PRKCA: variants seen among roughly 807,000 people sequenced by gnomAD.
PRKCA encodes the protein protein kinase C alpha type.
Under a neutral mutation model 87.0 loss-of-function variants are expected in PRKCA, and 27 were observed. That is an observed-to-expected ratio of 0.31 (90% CI 0.23 to 0.43). The LOEUF (loss-of-function observed/expected upper bound fraction) is 0.43. PRKCA is among the 20% of genes least tolerant of loss of function. PRKCA has a pLI of 1.00. For missense variants in PRKCA, 518 were observed against 852.3 expected, an observed-to-expected ratio of 0.61 and a Z score of 4.88; for synonymous variants, 329 against 311.1, an observed-to-expected ratio of 1.06 and a Z score of -0.61.
In PRKCA at chr17:66,687,275, G is replaced by A. The variant is rs1363174723; in HGVS notation, c.686+8G>A. 1.9e-6 allele frequency: 3 copies of A among 1,611,538 alleles called. No homozygotes were observed. In the South Asian group the frequency reaches 3.3e-5, roughly 18 times the overall value. ...GAATGAGTCCTTTACATTGTAAGTG[G>A]TCTCTCCTTGATCAAATTTCATTCC... is the stretch of plus-strand genomic sequence containing the variant. On this transcript the variant is annotated splice_region_variant and intron_variant, in intron 6 of 16. Transcript: ENST00000413366.
chr17:66,428,498 TTTTC>T (rs1241400897), intron 2 of PRKCA, among the ~76,000 whole-genome samples: 76 of 151,816 alleles, frequency 5.0e-4, no homozygotes, highest in Middle Eastern at 3.4e-3. Context: ...GCTGAAAAAT[TTTTC>T]TTTCTTTTTT....
chr17:66,773,533 T>A (rs1403562871), intron 13 of PRKCA, among the ~76,000 whole-genome samples: 2 of 150,720 alleles, frequency 1.3e-5, no homozygotes, highest in Non-Finnish European at 1.5e-5. Context: ...AAATTTTTTT[T>A]AATAGAGACA....
At chr17:66,688,908 G>T (rs763230572) in intron 7 of PRKCA, 43 bp from the exon 8 acceptor site, 3 of 1,319,898 alleles carry the variant, frequency 2.3e-6, no homozygotes, top group South Asian at 1.2e-5. Flanking sequence ...GGAAAGGCTT[G>T]TTAAACTTGC....
intron 3 of PRKCA, among the ~76,000 whole-genome samples, chr17:66,498,685 G>A (rs1009730344): frequency 6.6e-5 from 10 of 152,192 alleles, no homozygotes; most frequent in Admixed American, 6.5e-5. Flanking sequence ...GTTTCTCTAA[G>A]GGACATACTG....
chr17:66,495,387 A>C (rs990613573), intron 2 of PRKCA, among the ~76,000 whole-genome samples: 2 of 152,156 alleles, frequency 1.3e-5, no homozygotes, highest in Non-Finnish European at 2.9e-5. Context: ...TTGCTGAGGA[A>C]GTCCTGCAAC....
At chr17:66,507,789 T>A (rs1917043699) in intron 3 of PRKCA, among the ~76,000 whole-genome samples, 1 of 152,206 alleles carries the variant, frequency 6.6e-6, no homozygotes, top group Non-Finnish European at 1.5e-5. Context: ...TGGATTCTGA[T>A]GAGTCATGTT....
At chr17:66,494,682 ATGT>A (rs1308608660) in intron 2 of PRKCA, among the ~76,000 whole-genome samples, 1 of 152,214 alleles carries the variant, frequency 6.6e-6, no homozygotes, top group Non-Finnish European at 1.5e-5. Flanking sequence ...GTTTTTTAAC[ATGT>A]TGTTATTATT....
chr17:66,554,372 A>T (rs1369655401), intron 3 of PRKCA: 1 of 189,018 alleles, frequency 5.3e-6, no homozygotes, highest in Non-Finnish European at 1.0e-5. Context: ...AGCCTGCAAT[A>T]GGCTTCCTTG....
At chr17:66,334,619 A>C (rs1377036334) in intron 2 of PRKCA, among the ~76,000 whole-genome samples, 2 of 152,246 alleles carry the variant, frequency 1.3e-5, no homozygotes, top group Non-Finnish European at 2.9e-5. Flanking sequence ...ACAAGTGTTG[A>C]GAATGAGGAT....
chr17:66,610,395 C>T (rs79319257), intron 3 of PRKCA, among the ~76,000 whole-genome samples: 4,607 of 152,196 alleles, frequency 0.03, 112 homozygotes, highest in East Asian at 0.15. Flanking sequence ...ATGATTCACT[C>T]CATCTCCAGA....
chr17:66,328,007 G>A (rs150571956), intron 2 of PRKCA, among the ~76,000 whole-genome samples: 345 of 152,248 alleles, frequency 2.3e-3, no homozygotes, highest in African/African-American at 7.7e-3. Flanking sequence ...CGGGATTTTG[G>A]CAGTGTGTAA....
intron 3 of PRKCA, among the ~76,000 whole-genome samples, chr17:66,565,962 C>T (rs1480405556): frequency 1.3e-5 from 2 of 152,090 alleles, no homozygotes. Context: ...GTTACCTGGC[C>T]TATTAGAATT....
intron 3 of PRKCA, among the ~76,000 whole-genome samples, chr17:66,573,466 G>C (rs1479548524): frequency 6.6e-6 from 1 of 152,180 alleles, no homozygotes; most frequent in African/African-American, 2.4e-5. Context: ...GAATAGAAAA[G>C]AGAAAAGCAG....
chr17:66,400,155 T>C (rs1371290120), intron 2 of PRKCA, among the ~76,000 whole-genome samples: 1 of 152,182 alleles, frequency 6.6e-6, no homozygotes, highest in Non-Finnish European at 1.5e-5. Flanking sequence ...TATTCACCTT[T>C]TTTTGTTGTT....
At position 66,377,719 on chromosome 17, in the gene PRKCA, A is replaced by AT. The variant is rs1202755202; in HGVS notation, c.205+71593dup. Reference sequence around the variant, plus strand: ...CTATGTTTTATATATATATATATATATATTTTTTTTTTTTTTTTTTTTTGA... The same window carrying AT: ...CTATGTTTTATATATATATATATATATTATTTTTTTTTTTTTTTTTTTTTGA... On this transcript the variant is annotated intron_variant, in intron 2 of 16. Transcript: ENST00000413366. Among the ~76,000 whole-genome samples the AT allele has an allele frequency of 6.0e-3, 223 of 37,150 alleles. 4 individuals carry two copies. Among genetic ancestry groups the AT allele is most frequent in the African/African-American group, 0.013 (212 of 16,654 alleles). The allele number at this position is 37,150 out of a possible 152,430, so 24.4% of individuals were successfully genotyped here.
At chr17:66,723,181 G>A (rs1409286808) in intron 8 of PRKCA, among the ~76,000 whole-genome samples, 2 of 152,134 alleles carry the variant, frequency 1.3e-5, no homozygotes, top group African/African-American at 4.8e-5. Context: ...TCTGGTCTGT[G>A]AGTTAGCCCA....
At chr17:66,511,442 C>A (rs7211424) in intron 3 of PRKCA, among the ~76,000 whole-genome samples, 71,582 of 152,012 alleles carry the variant, frequency 0.47, 17,558 homozygotes, top group East Asian at 0.76. Context: ...TGCATTTGCT[C>A]AGTTTGAATG....
chr17:66,357,888 CAGATGGACAACAGAATGATTGG>C (rs143414084), intron 2 of PRKCA, among the ~76,000 whole-genome samples: 1,755 of 152,226 alleles, frequency 0.012, 32 homozygotes, highest in African/African-American at 0.04. Context: ...CTTGGAAGTG[CAGATGGACAACAGAATGATTGG>C]AGATGAGTGC....
At chr17:66,424,503 A>T (rs2143804511) in intron 2 of PRKCA, among the ~76,000 whole-genome samples, 1 of 151,548 alleles carries the variant, frequency 6.6e-6, no homozygotes, top group South Asian at 2.1e-4. Context: ...GGAGGCAGAG[A>T]TTGCACTGAC....
Sources: gnomAD v4.1 joint callset for allele counts (sites outside exome capture counted in the v4.1 genomes callset) on GRCh38, gnomAD v4.1.1 for gene constraint, MANE v1.5 for transcripts, NCBI Gene and HGNC (gene_info 2026-07-23, HGNC 2026-07-21) for gene names.